Variants in SLC10A7 observed in about 807,000 individuals in gnomAD.
The protein encoded by SLC10A7 is sodium/bile acid cotransporter 7.
Under a neutral mutation model 43.2 loss-of-function variants are expected in SLC10A7, and 29 were observed. The observed-to-expected ratio is 0.67, with a 90% CI of 0.50 to 0.92. The LOEUF (loss-of-function observed/expected upper bound fraction) is 0.92, where lower values mean the gene tolerates loss of function less well. Among genes scored for constraint, SLC10A7 ranks in the 40% least tolerant of loss-of-function variants. The pLI is 0.00. For missense variants in SLC10A7, 295 were observed against 403.2 expected, an observed-to-expected ratio of 0.73 and a Z score of 2.30; for synonymous variants, 152 against 144.8, an observed-to-expected ratio of 1.05 and a Z score of -0.35.
intron 5 of SLC10A7, among the ~76,000 whole-genome samples, chr4:146,399,150 GAA>G (rs1162451937): frequency 1.3e-5 from 2 of 152,172 alleles, no homozygotes; most frequent in Non-Finnish European, 2.9e-5. Context: ...AAGATCGGAG[GAA>G]AGAGTGTTCT....
intron 8 of SLC10A7, among the ~76,000 whole-genome samples, chr4:146,293,337 C>A (rs1214629362): frequency 6.6e-6 from 1 of 152,070 alleles, no homozygotes. Flanking sequence ...ACAAAAGATT[C>A]TTTGATATTA....
intron 4 of SLC10A7, among the ~76,000 whole-genome samples, chr4:146,497,627 T>C (rs1007640531): frequency 6.6e-6 from 1 of 152,150 alleles, no homozygotes; most frequent in African/African-American, 2.4e-5. Context: ...AGAAGCAATA[T>C]TGAGATAAAA....
chr4:146,357,596 C>G (rs771534675), intron 5 of SLC10A7, among the ~76,000 whole-genome samples: 46 of 152,170 alleles, frequency 3.0e-4, no homozygotes, highest in Non-Finnish European at 1.0e-4. Flanking sequence ...TACTTTGAAG[C>G]AATACGTGAA....
At chr4:146,432,317 T>A (rs1311165093) in intron 5 of SLC10A7, among the ~76,000 whole-genome samples, 1 of 152,160 alleles carries the variant, frequency 6.6e-6, no homozygotes, top group African/African-American at 2.4e-5. Flanking sequence ...TACAAGAACC[T>A]GTACAGAAAT....
chr4:146,339,217 C>T (rs1399794571), intron 5 of SLC10A7, among the ~76,000 whole-genome samples: 1 of 151,864 alleles, frequency 6.6e-6, no homozygotes, highest in African/African-American at 2.4e-5. Context: ...CATAAACAAA[C>T]AAAAAACCCA....
chr4:146,481,283 T>C (rs1734451957), intron 4 of SLC10A7, among the ~76,000 whole-genome samples: 1 of 152,198 alleles, frequency 6.6e-6, no homozygotes, highest in African/African-American at 2.4e-5. Context: ...ACCTGGCACA[T>C]AATGAGTGCC....
intron 5 of SLC10A7, among the ~76,000 whole-genome samples, chr4:146,397,954 T>C (rs1738953300): frequency 6.6e-6 from 1 of 152,224 alleles, no homozygotes; most frequent in Admixed American, 6.5e-5. Context: ...ACCAGAAGTT[T>C]AAGACATGAA....
intron 10 of SLC10A7, among the ~76,000 whole-genome samples, chr4:146,259,951 A>T (rs1173727645): frequency 1.3e-5 from 2 of 152,242 alleles, no homozygotes; most frequent in African/African-American, 2.4e-5. Flanking sequence ...GCACATAAAT[A>T]ACTTTTTATT....
Position 146,258,692 on chromosome 4 carries a change from C to T in SLC10A7, c.993G>A (p.Lys331=), listed in dbSNP as rs756248059. ...AAATAAGATCTTTCTGGGGACTCAC[C>T]TTCTGCCTTGATACCATCCAAGACT... ...TIKSWMVSRQ[K]GVKLTRPTV The change falls in exon 11 of 12, where the codon AAG becomes AAA. Residue 331 remains lysine, a splice_region_variant and synonymous_variant. Coordinates refer to ENST00000335472, the MANE Select transcript of SLC10A7 (RefSeq NM_001029998.6). The T allele has an allele frequency of 2.5e-5, 39 of 1,580,290 alleles. No homozygotes were observed. The highest frequency in any genetic ancestry group is 2.4e-4 in the South Asian group (20 of 84,112).
intron 9 of SLC10A7, among the ~76,000 whole-genome samples, chr4:146,283,874 A>AG (rs1729707938): frequency 6.6e-6 from 1 of 152,140 alleles, no homozygotes; most frequent in African/African-American, 2.4e-5. Flanking sequence ...TAATGTACTC[A>AG]GGGCCCATGG....
chr4:146,377,091 A>ATT lies in SLC10A7; in HGVS notation c.436-51097_436-51096dup, dbSNP rs35933873. Among the ~76,000 whole-genome samples the ATT allele has an allele frequency of 5.9e-4, 90 of 151,672 alleles. 1 individual carries two copies. The South Asian group carries it at 0.011, about 18-fold the overall frequency. On this transcript the variant is annotated intron_variant, in intron 5 of 11. Coordinates refer to ENST00000335472, the MANE Select transcript of SLC10A7 (RefSeq NM_001029998.6). ...TGTGGAAGATAAGAATGTAAAGTAC[A>ATT]TTTTTTTTTATTATTACAGCTAGCA...
intron 4 of SLC10A7, among the ~76,000 whole-genome samples, chr4:146,480,154 A>T (rs1734348518): frequency 1.3e-5 from 2 of 152,276 alleles, no homozygotes; most frequent in South Asian, 4.1e-4. Flanking sequence ...ATAATACCAC[A>T]TTGTTGTTAT....
chr4:146,266,440 CAT>C (rs892111555), intron 10 of SLC10A7, among the ~76,000 whole-genome samples: 2 of 151,992 alleles, frequency 1.3e-5, no homozygotes, highest in Non-Finnish European at 2.9e-5. Context: ...CACACACACA[CAT>C]GCACGCACAC....
intron 3 of SLC10A7, among the ~76,000 whole-genome samples, chr4:146,504,531 A>T (rs1736723550): frequency 6.6e-6 from 1 of 151,972 alleles, no homozygotes; most frequent in African/African-American, 2.4e-5. Context: ...AAAAAAAAAA[A>T]AAAAAAAGAA....
chr4:146,323,284 A>G (rs1251186119), intron 6 of SLC10A7, among the ~76,000 whole-genome samples: 3 of 152,338 alleles, frequency 2.0e-5, no homozygotes, highest in Non-Finnish European at 4.4e-5. Flanking sequence ...TGTTTTAGAC[A>G]TGAAGTCCTT....
chr4:146,349,771 C>A (rs2357076), intron 5 of SLC10A7, among the ~76,000 whole-genome samples: 3 of 151,780 alleles, frequency 2.0e-5, no homozygotes, highest in Non-Finnish European at 2.9e-5. Flanking sequence ...CACTTACAAG[C>A]GGAACCTAGA....
rs1553972648 is a variant in SLC10A7, at chr4:146,440,290, C to CTTTTCT, written c.435+2492_435+2493insAGAAAA. On this transcript the variant is annotated intron_variant, in intron 5 of 11. Coordinates refer to ENST00000335472, the MANE Select transcript of SLC10A7 (RefSeq NM_001029998.6). ...AGGGAGGTCTTTTTTCTTTTCTTTT[C>CTTTTCT]TTTTTTTTTTTGAGACAGAGTCTCG... 2.0e-3 allele frequency among the ~76,000 whole-genome samples: 290 copies of CTTTTCT among 145,512 alleles called. 1 individual carries two copies. The highest frequency in any genetic ancestry group is 9.9e-3 in the South Asian group (46 of 4,650).
chr4:146,372,757 G>A (rs1736885749), intron 5 of SLC10A7, among the ~76,000 whole-genome samples: 1 of 152,272 alleles, frequency 6.6e-6, no homozygotes, highest in African/African-American at 2.4e-5. Context: ...GGGAATGGCA[G>A]AATGGCAGAG....
rs570599241 is a variant in SLC10A7 at position 146,342,020 on chromosome 4, GA to G, written c.436-16025del. On this transcript the variant is annotated intron_variant, in intron 5 of 11. Coordinates refer to ENST00000335472, the MANE Select transcript of SLC10A7 (RefSeq NM_001029998.6). ...TAGCAATTTCTTGTAATTCCTTACAGAAAAAAAACAGTATCCACCCATTCCT... is the reference window on the plus strand; with the variant it reads ...TAGCAATTTCTTGTAATTCCTTACAGAAAAAAACAGTATCCACCCATTCCT... Among the ~76,000 whole-genome samples the G allele has an allele frequency of 4.2e-3, 633 of 151,264 alleles. 3 individuals carry two copies. The highest frequency in any genetic ancestry group is 0.014 in the African/African-American group (598 of 41,356).
Sources: allele counts gnomAD v4.1 joint callset (sites outside exome capture counted in the v4.1 genomes callset), GRCh38; gene constraint gnomAD v4.1.1; transcripts MANE v1.5; gene names NCBI Gene and HGNC (gene_info 2026-07-23, HGNC 2026-07-21).